Variants in UBIAD1 observed in about 807,000 individuals in gnomAD.
UBIAD1 encodes the protein ubiA prenyltransferase domain-containing protein 1.
UBIAD1 carries 12 observed loss-of-function variants against 20.1 expected under a neutral mutation model. The observed-to-expected ratio is 0.60, with a 90% CI of 0.38 to 0.97. The LOEUF (loss-of-function observed/expected upper bound fraction) is 0.97. UBIAD1 is among the 50% of genes least tolerant of loss of function. The pLI is 0.00. For synonymous variants in UBIAD1, 207 were observed against 189.2 expected (o/e 1.09, Z -0.77); for missense variants, 333 against 419.5 (o/e 0.79, Z 1.80).
intron 1 of UBIAD1, among the ~76,000 whole-genome samples, chr1:11,283,480 C>T (rs565438888): frequency 6.6e-6 from 1 of 152,026 alleles, no homozygotes; most frequent in South Asian, 2.1e-4. Context: ...GAGGGCATGT[C>T]CTCATACAAC....
intron 1 of UBIAD1, among the ~76,000 whole-genome samples, chr1:11,275,888 C>T (rs1652005506): frequency 6.6e-6 from 1 of 152,064 alleles, no homozygotes; most frequent in South Asian, 2.1e-4. Context: ...AAAGAGCTTA[C>T]AGAGCAGCAA....
downstream of UBIAD1, among the ~76,000 whole-genome samples, chr1:11,291,378 TG>T (rs1490608630): frequency 1.3e-5 from 2 of 151,918 alleles, no homozygotes; most frequent in East Asian, 3.9e-4. Flanking sequence ...GAGGTCAAGG[TG>T]GGTGGATCAC....
intron 1 of UBIAD1, among the ~76,000 whole-genome samples, chr1:11,276,763 T>TAA (rs574096714): frequency 1.2e-4 from 18 of 145,020 alleles, no homozygotes; most frequent in African/African-American, 4.0e-4. Flanking sequence ...CATAGTTTGT[T>TAA]AAAAAAAAAA....
downstream of UBIAD1, among the ~76,000 whole-genome samples, chr1:11,296,851 A>G (rs1044074165): frequency 1.4e-5 from 2 of 146,212 alleles, no homozygotes; most frequent in African/African-American, 5.1e-5. Context: ...ACTATTTTAG[A>G]ATGTTGTTTT....
At chr1:11,297,787 G>T (rs1638470879), downstream of UBIAD1, among the ~76,000 whole-genome samples, 1 of 152,168 alleles carries the variant, frequency 6.6e-6, no homozygotes, top group Non-Finnish European at 1.5e-5. Context: ...CTTACATGTG[G>T]CTGTGAGTGG....
chr1:11,299,116 G>A (rs1345942800), downstream of UBIAD1, among the ~76,000 whole-genome samples: 3 of 152,238 alleles, frequency 2.0e-5, no homozygotes. Flanking sequence ...TTCCCCAGGA[G>A]AGGCCCTGCC....
At chr1:11,277,100 G>A (rs1652061528) in intron 1 of UBIAD1, among the ~76,000 whole-genome samples, 1 of 151,978 alleles carries the variant, frequency 6.6e-6, no homozygotes, top group Admixed American at 6.6e-5. Context: ...AGCTGGGCAT[G>A]GTGGTGCATG....
chr1:11,298,845 GC>G (rs1638488431), downstream of UBIAD1, among the ~76,000 whole-genome samples: 1 of 152,218 alleles, frequency 6.6e-6, no homozygotes, highest in African/African-American at 2.4e-5. This position sits in a 1 kb window ranked among gnomAD's most constrained non-coding sequence, Gnocchi z 4.0. Context: ...GCAGAGGGTT[GC>G]TCAGAGCCCC....
At chr1:11,274,100 G>T (rs1224800530) in intron 1 of UBIAD1, 40 bp downstream of exon 1, 4 of 1,611,970 alleles carry the variant, frequency 2.5e-6, no homozygotes, top group Non-Finnish European at 3.4e-6. Flanking sequence ...GGTCTTAGTC[G>T]CGTCCACTGG....
rs1345038639 is a variant in UBIAD1 at position 11,286,844 on chromosome 1, G to A, written c.*713G>A. Reference sequence around the variant, plus strand: ...TCTGGAGGCAACTGAGAAAATCACTGCTTTTGGATAGGAATCAGTAGGGTG... The same window carrying A: ...TCTGGAGGCAACTGAGAAAATCACTACTTTTGGATAGGAATCAGTAGGGTG... On this transcript the variant is annotated 3_prime_UTR_variant, in exon 2 of 2. Coordinates refer to ENST00000376810, the MANE Select transcript of UBIAD1 (RefSeq NM_013319.3). 2 of 153,420 alleles carry A rather than the reference G, an allele frequency of 1.3e-5. No homozygotes were observed. The highest frequency in any genetic ancestry group is 2.4e-5 in the African/African-American group (1 of 41,458). The allele number at this position is 153,420 out of a possible 1,614,324, so 9.5% of individuals were successfully genotyped here.
Position 11,285,899 on chromosome 1 carries a change from A to G in UBIAD1, c.785A>G (p.Asn262Ser). The G allele has an allele frequency of 6.2e-7, 1 of 1,614,034 alleles. No homozygotes were observed. Among genetic ancestry groups the G allele is most frequent in the Non-Finnish European group, 8.5e-7 (1 of 1,179,988 alleles). The change falls in exon 2 of 2, where the codon AAC (asparagine) becomes AGC (serine). Residue 262 changes from asparagine to serine, a missense_variant. Asn to Ser is a conservative substitution (Grantham distance 46). Around this residue, in one of 3 missense-constraint regions of UBIAD1, gnomAD observed 226 missense variants for 263.5 expected, o/e 0.86. Coordinates refer to ENST00000376810, the MANE Select transcript of UBIAD1 (RefSeq NM_013319.3). The surrounding 1 kb of genome is among the most constrained non-coding windows in gnomAD (Gnocchi z 4.4). Reference sequence around the variant, plus strand: ...CCCACGTTCTCCTACATTCTCTACAACACACTGCTCTTCCTGCCCTACCTG... The same window carrying G: ...CCCACGTTCTCCTACATTCTCTACAGCACACTGCTCTTCCTGCCCTACCTG... ...IGPTFSYILY[N>S]TLLFLPYLVF...
At chr1:11,296,350 T>C (rs1638447627), downstream of UBIAD1, among the ~76,000 whole-genome samples, 1 of 151,954 alleles carries the variant, frequency 6.6e-6, no homozygotes, top group Non-Finnish European at 1.5e-5. Flanking sequence ...ACCCCCGGGA[T>C]ACCCTCAGAC....
At chr1:11,290,944 C>G (rs1351626385), downstream of UBIAD1, among the ~76,000 whole-genome samples, 1 of 152,200 alleles carries the variant, frequency 6.6e-6, no homozygotes, top group Non-Finnish European at 1.5e-5. Flanking sequence ...GCCTGGACAA[C>G]AGAGCAAGAC....
At chr1:11,276,744 C>A (rs1423561902) in intron 1 of UBIAD1, among the ~76,000 whole-genome samples, 1 of 149,960 alleles carries the variant, frequency 6.7e-6, no homozygotes, top group Non-Finnish European at 1.5e-5. Flanking sequence ...TGTCACTTAA[C>A]CTTAAGTGCA....
At chr1:11,274,424 G>T (rs1025980931) in intron 1 of UBIAD1, among the ~76,000 whole-genome samples, 1 of 151,626 alleles carries the variant, frequency 6.6e-6, no homozygotes, top group Non-Finnish European at 1.5e-5. Flanking sequence ...TCAGCCTCCC[G>T]AGTAGCTGGG....
intron 1 of UBIAD1, among the ~76,000 whole-genome samples, chr1:11,278,388 A>G (rs1002746526): frequency 7.9e-5 from 12 of 152,342 alleles, no homozygotes; most frequent in Admixed American, 4.6e-4. Context: ...TGTTTAAATG[A>G]CAGTACCTTA....
downstream of UBIAD1, among the ~76,000 whole-genome samples, chr1:11,299,034 T>G (rs1374905843): frequency 6.6e-6 from 1 of 152,104 alleles, no homozygotes; most frequent in African/African-American, 2.4e-5. Flanking sequence ...CAGAGCACGG[T>G]GTAATCCATG....
chr1:11,285,084 T>C lies in UBIAD1; in HGVS notation c.530-560T>C, dbSNP rs1282409003. Among the ~76,000 whole-genome samples the C allele has an allele frequency of 1.3e-5, 2 of 152,212 alleles. No individual in the cohort carries two copies. The highest frequency in any genetic ancestry group is 1.9e-4 in the East Asian group (1 of 5,194). On this transcript the variant is annotated intron_variant, in intron 1 of 1. Coordinates refer to ENST00000376810, the MANE Select transcript of UBIAD1 (RefSeq NM_013319.3). The surrounding 1 kb of genome is among the most constrained non-coding windows in gnomAD (Gnocchi z 4.4). ...GAGGAAAGCAGCATTATAACTCTCC[T>C]GTCCTCGCTGTTTTGCTTATCGCAG...
intron 1 of UBIAD1, among the ~76,000 whole-genome samples, chr1:11,284,908 G>A (rs1233672914): frequency 6.6e-6 from 1 of 152,164 alleles, no homozygotes; most frequent in Non-Finnish European, 1.5e-5. Context: ...ATGACCATGA[G>A]GTAGATTTGG....
Sources: gnomAD v4.1 joint callset for allele counts (sites outside exome capture counted in the v4.1 genomes callset) on GRCh38, gnomAD v4.1.1 for gene constraint, gnomAD v4.1.1 regional missense constraint, Gnocchi (gnomAD v3.1) non-coding constraint, MANE v1.5 for transcripts, NCBI Gene and HGNC (gene_info 2026-07-23, HGNC 2026-07-21) for gene names.